The following ACP3 variants were observed in gnomAD, a reference collection of about 807,000 sequenced individuals.
ACP3 encodes the protein acid phosphatase 3.
A neutral mutation model predicts 45.6 loss-of-function variants in ACP3; 38 were observed. The ratio of observed to expected loss-of-function variants is 0.83; its 90% CI spans 0.64 to 1.09. The LOEUF (loss-of-function observed/expected upper bound fraction) is 1.09. Ranked by LOEUF, ACP3 falls within the 50% of genes least tolerant of loss-of-function variation. ACP3 has a pLI of 0.00. For missense variants in ACP3, 466 were observed against 463.2 expected (o/e 1.01, Z -0.05); for synonymous variants, 162 against 164.7 (o/e 0.98, Z 0.13).
chr3:132,329,877 G>C (rs1039069326), intron 2 of ACP3, among the ~76,000 whole-genome samples: 3 of 151,300 alleles, frequency 2.0e-5, no homozygotes, highest in Non-Finnish European at 4.4e-5. Context: ...GAAGTGACAA[G>C]GTTCTAGGGC....
chr3:132,355,489 ATTTTATTTTATTTTATTTTAT>A, intron 9 of ACP3, among the ~76,000 whole-genome samples: 1 of 149,790 alleles, frequency 6.7e-6, no homozygotes, highest in African/African-American at 2.4e-5. Flanking sequence ...ATTTTATCTT[ATTTTATTTTATTTTATTTTAT>A]TTTTATTTTA....
At position 132,344,922 on chromosome 3, in the gene ACP3, T is replaced by C. The variant is rs1937591995; in HGVS notation, c.649-5T>C. ...TACATTTTTCTTCCTTTTTCTTTGC[T>C]ACAGAGTGTTCACAATTTCACTTTA... On this transcript the variant is annotated splice_polypyrimidine_tract_variant and splice_region_variant and intron_variant, in intron 6 of 9. Transcript: ENST00000336375. 6.2e-7 allele frequency: 1 copy of C among 1,613,396 alleles called. No homozygotes were observed. Among genetic ancestry groups the C allele is most frequent in the South Asian group, 1.1e-5 (1 of 91,068 alleles).
chr3:132,336,939 T>G (rs1937500621), intron 4 of ACP3, among the ~76,000 whole-genome samples: 1 of 152,214 alleles, frequency 6.6e-6, no homozygotes, highest in Non-Finnish European at 1.5e-5. Context: ...AGTATATTTT[T>G]CTAAGTATTT....
chr3:132,329,913 C>CTTT (rs59644798), intron 2 of ACP3, among the ~76,000 whole-genome samples: 29 of 119,922 alleles, frequency 2.4e-4, no homozygotes, highest in Admixed American at 3.3e-4. Context: ...TGTCTAGGTA[C>CTTT]TTTTTTTTTT....
chr3:132,359,267 C>T (rs1937988535), downstream of ACP3, among the ~76,000 whole-genome samples: 2 of 152,174 alleles, frequency 1.3e-5, no homozygotes, highest in South Asian at 2.1e-4. Flanking sequence ...AATCCCAGCA[C>T]TTTGGGAGGC....
intron 6 of ACP3, among the ~76,000 whole-genome samples, chr3:132,343,344 G>A (rs1033231027): frequency 6.6e-6 from 1 of 152,116 alleles, no homozygotes; most frequent in Admixed American, 6.5e-5. Flanking sequence ...AATTACTTCC[G>A]TAGTTCTATC....
At chr3:132,340,574 T>C (rs1937542871) in intron 5 of ACP3, among the ~76,000 whole-genome samples, 1 of 152,238 alleles carries the variant, frequency 6.6e-6, no homozygotes, top group African/African-American at 2.4e-5. Context: ...TGAATTCATT[T>C]ACAGTTCATA....
intron 5 of ACP3, among the ~76,000 whole-genome samples, 161 bp downstream of exon 5, chr3:132,337,715 G>C (rs1937513792): frequency 6.6e-6 from 1 of 152,204 alleles, no homozygotes; most frequent in Non-Finnish European, 1.5e-5. Flanking sequence ...TAATGAGGGA[G>C]GTCATCACTC....
intron 1 of ACP3, among the ~76,000 whole-genome samples, chr3:132,318,097 A>G (rs1937141681): frequency 6.6e-6 from 1 of 152,242 alleles, no homozygotes; most frequent in Non-Finnish European, 1.5e-5. Context: ...TGATATATAG[A>G]TTTAGTTGAC....
In ACP3 at chr3:132,356,842, A is replaced by C; in HGVS notation, c.1125A>C (p.Thr375=). 6.2e-7 allele frequency: 1 copy of C among 1,614,182 alleles called. No individual in the cohort carries two copies. The highest frequency in any genetic ancestry group is 8.5e-7 in the Non-Finnish European group (1 of 1,180,032). ...ACTGGTCCACGGAGTGTATGACCAC[A>C]AACAGCCATCAAGGTACTGAAGACA... ...PQDWSTECMT[T]NSHQGTEDST... Residue 375 remains threonine, a synonymous_variant, in exon 10 of 10, where the codon ACA becomes ACC. Coordinates refer to ENST00000336375, the MANE Select transcript of ACP3 (RefSeq NM_001099.5).
intron 5 of ACP3, among the ~76,000 whole-genome samples, chr3:132,338,721 A>T (rs1311658794): frequency 6.6e-6 from 1 of 152,238 alleles, no homozygotes; most frequent in African/African-American, 2.4e-5. Flanking sequence ...AGAAGCATCC[A>T]TCTCCTCTAA....
Position 132,332,186 on chromosome 3 carries a change from C to T in ACP3, c.304-6C>T, listed in dbSNP as rs1217645288. On this transcript the variant is annotated splice_region_variant and splice_polypyrimidine_tract_variant and intron_variant, in intron 3 of 9. Transcript: ENST00000336375. ...GTTCGCTTCTGCTTTGATTTTCCTA[C>T]TCTAGGTTTATATTCGAAGCACAGA... The T allele has an allele frequency of 3.7e-6, 6 of 1,613,984 alleles. No individual in the cohort carries two copies. The highest frequency in any genetic ancestry group is 5.1e-6 in the Non-Finnish European group (6 of 1,180,004).
intron 4 of ACP3, among the ~76,000 whole-genome samples, chr3:132,335,760 C>T (rs1462942194): frequency 6.6e-6 from 1 of 151,820 alleles, no homozygotes; most frequent in African/African-American, 2.4e-5. Context: ...GCAAGAAGGC[C>T]CAAAGTGTTG....
At position 132,357,111 on chromosome 3, in the gene ACP3, G is replaced by A; in HGVS notation, c.*233G>A. On this transcript the variant is annotated 3_prime_UTR_variant, in exon 10 of 10. Coordinates refer to ENST00000336375, the MANE Select transcript of ACP3 (RefSeq NM_001099.5). ...TTTGTTTTTCAGCGTTAATGTAAAG[G>A]GGCAGCAGTGCCAAAATATAATCAG... 1.6e-6 allele frequency: 2 copies of A among 1,243,446 alleles called. No homozygotes were observed. The highest frequency in any genetic ancestry group is 2.0e-6 in the Non-Finnish European group (2 of 988,364). 77.0% of individuals were successfully genotyped at this position (1,243,446 alleles called of 1,614,324 possible).
chr3:132,348,777 G>C (rs1441845879), intron 7 of ACP3, among the ~76,000 whole-genome samples: 2 of 152,122 alleles, frequency 1.3e-5, no homozygotes, highest in Non-Finnish European at 2.9e-5. Flanking sequence ...CTTATAGAAA[G>C]AGCAGATACC....
At chr3:132,324,670 G>A (rs1237152695) in intron 1 of ACP3, among the ~76,000 whole-genome samples, 1 of 152,118 alleles carries the variant, frequency 6.6e-6, no homozygotes, top group Non-Finnish European at 1.5e-5. Flanking sequence ...TTGAGACGGA[G>A]TCTCACTCTG....
In ACP3 at chr3:132,319,425, A is replaced by G. The variant is rs578258384; in HGVS notation, c.120+1849A>G. Among the ~76,000 whole-genome samples, 13 of 152,340 alleles carry G rather than the reference A, an allele frequency of 8.5e-5. No individual in the cohort carries two copies. In the East Asian group the frequency reaches 2.5e-3, roughly 29 times the overall value. On this transcript the variant is annotated intron_variant, in intron 1 of 9. Transcript: ENST00000336375. Reference sequence around the variant, plus strand: ...TACTGCAATTGAGTGCTTACAAGGCACTGTTCTGAGTGTTCAATATGAATT... The same window carrying G: ...TACTGCAATTGAGTGCTTACAAGGCGCTGTTCTGAGTGTTCAATATGAATT...
chr3:132,329,638 C>G (rs1352592041), intron 2 of ACP3, among the ~76,000 whole-genome samples: 2 of 152,146 alleles, frequency 1.3e-5, no homozygotes, highest in African/African-American at 4.8e-5. Flanking sequence ...CCATTAAGAC[C>G]AAAAGATTCT....
At chr3:132,345,893 G>T (rs1257048958) in intron 7 of ACP3, among the ~76,000 whole-genome samples, 1 of 152,204 alleles carries the variant, frequency 6.6e-6, no homozygotes, top group Non-Finnish European at 1.5e-5. Context: ...TGAGGTGTCA[G>T]ACTTAGATGT....
Sources: allele counts gnomAD v4.1 joint callset (sites outside exome capture counted in the v4.1 genomes callset), GRCh38; gene constraint gnomAD v4.1.1; transcripts MANE v1.5; gene names NCBI Gene and HGNC (gene_info 2026-07-23, HGNC 2026-07-21).